The following GPAM variants were observed in gnomAD, a reference collection of about 807,000 sequenced individuals.
GPAM encodes the protein glycerol-3-phosphate acyltransferase 1, mitochondrial.
Under a neutral mutation model 105.0 loss-of-function variants are expected in GPAM, and 56 were observed. That is an observed-to-expected ratio of 0.53 (90% confidence interval 0.43 to 0.67). GPAM has a LOEUF of 0.67. GPAM is among the 30% of genes least tolerant of loss of function. The probability of loss-of-function intolerance (pLI) is 0.00; values close to 1 mark genes in which losing one functional copy is unlikely to be tolerated. For synonymous variants in GPAM, 368 were observed against 354.4 expected (o/e 1.04, Z -0.43); for missense variants, 855 against 989.8 (o/e 0.86, Z 1.83).
At chr10:112,198,679 T>C (rs1466955828) in intron 1 of GPAM, among the ~76,000 whole-genome samples, 1 of 152,174 alleles carries the variant, frequency 6.6e-6, no homozygotes, top group Non-Finnish European at 1.5e-5. Context: ...TGGATGCATA[T>C]CCAAACGAAT....
In GPAM at chr10:112,168,314, G is replaced by C. The variant is rs993300679; in HGVS notation, c.1105C>G (p.Leu369Val). ...IIEGHYNGEQ[L>V]GKPKKNESLW... ...AACTTTTGTGTAGGTACCCTTACCAGTTGTTCACCATTGTAGTGACCTTCG... is the reference window on the plus strand; with the variant it reads ...AACTTTTGTGTAGGTACCCTTACCACTTGTTCACCATTGTAGTGACCTTCG... The change falls in exon 11 of 22, where the codon CTG becomes GTG. Residue 369 changes from leucine (L) to valine (V), a missense_variant and splice_region_variant. Coordinates refer to ENST00000348367, the MANE Select transcript of GPAM (RefSeq NM_001244949.2). 2 of 1,546,288 alleles carry C rather than the reference G, an allele frequency of 1.3e-6. No individual in the cohort carries two copies. Among genetic ancestry groups the C allele is most frequent in the African/African-American group, 1.4e-5 (1 of 73,664 alleles).
At chr10:112,157,202 C>A (rs1164477746) in intron 19 of GPAM, 47 bp downstream of exon 19, 2 of 1,559,656 alleles carry the variant, frequency 1.3e-6, no homozygotes, top group South Asian at 2.2e-5. Context: ...GCAGCATAAA[C>A]CTCAACATAT....
chr10:112,218,988 TG>T (rs1847996338), upstream of GPAM, among the ~76,000 whole-genome samples: 1 of 152,242 alleles, frequency 6.6e-6, no homozygotes, highest in Non-Finnish European at 1.5e-5. Flanking sequence ...CTTTGTGACC[TG>T]TATCTTGCCC....
At chr10:112,198,312 C>G (rs1847749820) in intron 1 of GPAM, among the ~76,000 whole-genome samples, 1 of 152,162 alleles carries the variant, frequency 6.6e-6, no homozygotes, top group African/African-American at 2.4e-5. Flanking sequence ...AGAATCACAG[C>G]GTTCTCCAGA....
chr10:112,193,962 T>C (rs768489191), intron 1 of GPAM, among the ~76,000 whole-genome samples: 1 of 152,228 alleles, frequency 6.6e-6, no homozygotes, highest in African/African-American at 2.4e-5. Flanking sequence ...AGTTACTTTG[T>C]TCTAGGGAGA....
chr10:112,187,318 A>G (rs887095074), upstream of GPAM, among the ~76,000 whole-genome samples: 3 of 152,222 alleles, frequency 2.0e-5, no homozygotes, highest in Non-Finnish European at 4.4e-5. Context: ...TATGCCACCT[A>G]TTTAAAAACT....
chr10:112,178,187 G>T, intron 4 of GPAM, 130 bp from the exon 5 acceptor site: 1 of 611,228 alleles, frequency 1.6e-6, no homozygotes. Context: ...TCTTAGGGAA[G>T]AAAAAAGTTT....
chr10:112,164,055 C>T lies in GPAM; in HGVS notation c.1308-239G>A, dbSNP rs561103847. On this transcript the variant is annotated intron_variant, in intron 13 of 21. Transcript: ENST00000348367. ...GATACACCACTTCCAAAACCACTGG[C>T]AGAAAGAATACATAATTCAAGATGC... Among the ~76,000 whole-genome samples the T allele has an allele frequency of 4.4e-4, 67 of 152,262 alleles. No homozygotes were observed. The South Asian group carries it at 9.3e-3, about 21-fold the overall frequency.
intron 5 of GPAM, 152 bp from the exon 6 acceptor site, chr10:112,175,865 C>T: frequency 1.6e-6 from 1 of 634,096 alleles, no homozygotes; most frequent in Non-Finnish European, 2.9e-6. Flanking sequence ...CTTAGTAGTT[C>T]AGAATGTTGT....
At chr10:112,207,116 C>G (rs1437339676) in intron 1 of GPAM, among the ~76,000 whole-genome samples, 3 of 152,206 alleles carry the variant, frequency 2.0e-5, no homozygotes, top group African/African-American at 4.8e-5. Flanking sequence ...TTTTGCTCCA[C>G]AGGGGATATT....
intron 1 of GPAM, among the ~76,000 whole-genome samples, chr10:112,204,240 A>AT (rs1429452036): frequency 1.3e-5 from 2 of 148,454 alleles, no homozygotes; most frequent in African/African-American, 5.1e-5. Context: ...TTATTACAGA[A>AT]TTTTTTCTTT....
intron 1 of GPAM, among the ~76,000 whole-genome samples, chr10:112,191,912 G>T (rs1296815118): frequency 6.6e-6 from 1 of 152,132 alleles, no homozygotes; most frequent in Non-Finnish European, 1.5e-5. Context: ...AAGATGGGGG[G>T]ACTGTGAAGA....
intron 1 of GPAM, among the ~76,000 whole-genome samples, chr10:112,190,499 T>TA (rs11446981): frequency 0.6 from 81,544 of 135,692 alleles, 23,520 homozygotes; most frequent in South Asian, 0.65. Context: ...GACTCCATCT[T>TA]AAAAAAAAAA....
intron 19 of GPAM, chr10:112,156,353 C>A: frequency 2.6e-6 from 1 of 380,810 alleles, no homozygotes; most frequent in Non-Finnish European, 4.9e-6. Context: ...GATACGCTGT[C>A]ATCACTAAAA....
At position 112,180,486 on chromosome 10, in the gene GPAM, G is replaced by A; in HGVS notation, c.212C>T (p.Thr71Ile). The A allele has an allele frequency of 6.2e-7, 1 of 1,613,550 alleles. No individual in the cohort carries two copies. The highest frequency in any genetic ancestry group is 1.3e-5 in the African/African-American group (1 of 75,026). The change falls in exon 4 of 22, where the codon ACT becomes ATT. Residue 71 changes from threonine to isoleucine, a missense_variant. Physicochemically the swap from Thr to Ile is moderately conservative, Grantham distance 89 (BLOSUM62 -1). Transcript: ENST00000348367. ...TAAGGTTCTTACCCAGCTCTGGGGA[G>A]TGCAGGAGTAACAACATCTTCCAAC... Reference protein sequence around the residue: ...PFVGRCCYSCTPQSWDKFFNP... With the variant: ...PFVGRCCYSCIPQSWDKFFNP...
In GPAM at chr10:112,168,533, T is replaced by C. The variant is rs778269577; in HGVS notation, c.895-9A>G. On this transcript the variant is annotated splice_polypyrimidine_tract_variant and intron_variant, in intron 10 of 21. Coordinates refer to ENST00000348367, the MANE Select transcript of GPAM (RefSeq NM_001244949.2). Reference sequence around the variant, plus strand: ...AGTAATTCAACTATATGCTGGGATATAAGAAGAAAGTAAAACATACATTCA... The same window carrying C: ...AGTAATTCAACTATATGCTGGGATACAAGAAGAAAGTAAAACATACATTCA... 8 of 1,567,064 alleles carry C rather than the reference T, an allele frequency of 5.1e-6. No individual in the cohort carries two copies. The highest frequency in any genetic ancestry group is 7.0e-6 in the Non-Finnish European group (8 of 1,137,182).
chr10:112,154,704 AAACCCTG>A lies in GPAM; in HGVS notation c.2312-24_2312-18del. The A allele has an allele frequency of 6.4e-7, 1 of 1,560,482 alleles. No homozygotes were observed. Among genetic ancestry groups the A allele is most frequent in the East Asian group, 2.2e-5 (1 of 44,558 alleles). On this transcript the variant is annotated intron_variant, in intron 20 of 21. Transcript: ENST00000348367. ...CACTCTCAGCTGAAGAGAGAGAATA[AAACCCTG>A]TCAAATGGTTACGCTCAACAAATCA...
chr10:112,189,333 T>A (rs1056529914), intron 1 of GPAM, among the ~76,000 whole-genome samples: 9 of 152,208 alleles, frequency 5.9e-5, no homozygotes, highest in Non-Finnish European at 1.3e-4. Context: ...AGAGACAGCA[T>A]TGAACAAGAC....
intron 1 of GPAM, among the ~76,000 whole-genome samples, chr10:112,194,789 C>T (rs1012956750): frequency 6.6e-6 from 1 of 152,154 alleles, no homozygotes; most frequent in Non-Finnish European, 1.5e-5. Flanking sequence ...TCTTTCTACC[C>T]CCCTAGATGT....
Sources: gnomAD v4.1 joint callset for allele counts (sites outside exome capture counted in the v4.1 genomes callset) on GRCh38, gnomAD v4.1.1 for gene constraint, MANE v1.5 for transcripts, NCBI Gene and HGNC (gene_info 2026-07-23, HGNC 2026-07-21) for gene names.